Variants in PSMB3 observed in about 807,000 individuals in gnomAD.
PSMB3 encodes proteasome subunit beta type-3.
In PSMB3, 5 loss-of-function variants were observed where a neutral mutation model predicts 23.3. The observed-to-expected ratio is 0.21, with a 90% CI of 0.11 to 0.45. PSMB3 has a LOEUF of 0.45. Among genes scored for constraint, PSMB3 ranks in the 20% least tolerant of loss-of-function variants. PSMB3 has a pLI of 0.99. For missense variants in PSMB3, 192 were observed against 277.9 expected, an observed-to-expected ratio of 0.69 and a Z score of 2.20; for synonymous variants, 85 against 99.8, an observed-to-expected ratio of 0.85 and a Z score of 0.88.
At chr17:38,762,820 A>T (rs1908499997) in intron 5 of PSMB3, among the ~76,000 whole-genome samples, 1 of 152,108 alleles carries the variant, frequency 6.6e-6, no homozygotes, top group Non-Finnish European at 1.5e-5. Flanking sequence ...CTGCAGATGG[A>T]TTGAAATTCT....
At position 38,755,678 on chromosome 17, in the gene PSMB3, A is replaced by ATGTGTG. The variant is rs1207952481; in HGVS notation, c.189-204_189-203insGTGTGT. Among the ~76,000 whole-genome samples the ATGTGTG allele has an allele frequency of 5.9e-3, 635 of 107,052 alleles. 9 individuals are homozygous for ATGTGTG. Among genetic ancestry groups the ATGTGTG allele is most frequent in the Admixed American group, 0.03 (271 of 8,940 alleles). The allele number at this position is 107,052 out of a possible 152,430, so 70.2% of individuals were successfully genotyped here. On this transcript the variant is annotated intron_variant, in intron 2 of 5. Coordinates refer to ENST00000619426, the MANE Select transcript of PSMB3 (RefSeq NM_002795.4). ...AAAAAAAATATATATATATATATAT[A>ATGTGTG]TATATGTGTGTGTGTGTGTGTGTGT...
chr17:38,755,662 ATATAT>A (rs1567643313), intron 2 of PSMB3, among the ~76,000 whole-genome samples: 41 of 74,106 alleles, frequency 5.5e-4, no homozygotes, highest in Admixed American at 1.1e-3. Flanking sequence ...AAAAAAAAAT[ATATAT>A]ATATATATAT....
At position 38,755,875 on chromosome 17, in the gene PSMB3, T is replaced by C. The variant is rs1250661176; in HGVS notation, c.189-8T>C. 1 of 1,612,684 alleles carries C rather than the reference T, an allele frequency of 6.2e-7. No homozygotes were observed. Among genetic ancestry groups the C allele is most frequent in the Admixed American group, 1.7e-5 (1 of 59,996 alleles). ...ATGACTTACTAACTCACTTTTCTCCTACCTCAGTGCCCAGCGCCTCAAGTT... is the reference window on the plus strand; with the variant it reads ...ATGACTTACTAACTCACTTTTCTCCCACCTCAGTGCCCAGCGCCTCAAGTT... On this transcript the variant is annotated splice_polypyrimidine_tract_variant and splice_region_variant and intron_variant, in intron 2 of 5. Transcript: ENST00000619426.
intron 2 of PSMB3, among the ~76,000 whole-genome samples, chr17:38,753,931 T>C (rs927309339): frequency 1.3e-5 from 2 of 152,158 alleles, no homozygotes; most frequent in South Asian, 2.1e-4. Context: ...AGACAAAGTC[T>C]GTAGGGAGGG....
chr17:38,755,168 G>A (rs1171819247), intron 2 of PSMB3: 1 of 152,056 alleles, frequency 6.6e-6, no homozygotes, highest in Non-Finnish European at 1.5e-5. Context: ...AAGAGGCAAG[G>A]TTTCGCTATG....
At chr17:38,759,591 C>T (rs1908349374) in intron 3 of PSMB3, among the ~76,000 whole-genome samples, 2 of 151,252 alleles carry the variant, frequency 1.3e-5, no homozygotes, top group South Asian at 2.1e-4. Context: ...GTCGCTCAGG[C>T]TGGAGTGCAG....
intron 3 of PSMB3, among the ~76,000 whole-genome samples, chr17:38,757,533 T>C (rs1249374405): frequency 6.8e-6 from 1 of 146,842 alleles, no homozygotes. Flanking sequence ...AAATAAAAAA[T>C]AGGTCGGGCG....
intron 2 of PSMB3, among the ~76,000 whole-genome samples, chr17:38,755,660 A>ATG (rs1908144557): frequency 9.8e-6 from 1 of 101,858 alleles, no homozygotes; most frequent in African/African-American, 4.4e-5. Flanking sequence ...AAAAAAAAAA[A>ATG]TATATATATA....
chr17:38,757,037 T>TA (rs1908231125), intron 3 of PSMB3, among the ~76,000 whole-genome samples: 1 of 102,598 alleles, frequency 9.7e-6, no homozygotes, highest in African/African-American at 4.7e-5. Flanking sequence ...CTGGCTAATT[T>TA]TTTTTTTTTT....
chr17:38,756,789 G>C (rs148266550), intron 3 of PSMB3, among the ~76,000 whole-genome samples: 1 of 151,660 alleles, frequency 6.6e-6, no homozygotes, highest in East Asian at 1.9e-4. Context: ...CACCATGCCT[G>C]GCCTGATCTC....
intron 2 of PSMB3, among the ~76,000 whole-genome samples, chr17:38,753,832 A>G (rs1187613475): frequency 6.6e-6 from 1 of 152,194 alleles, no homozygotes; most frequent in East Asian, 1.9e-4. Context: ...CAATAGAAAC[A>G]TCTTGCAAGC....
rs371564002 is a variant in PSMB3 at position 38,755,898 on chromosome 17, G to A, written c.204G>A (p.Lys68=). ...CCTACCTCAGTGCCCAGCGCCTCAA[G>A]TTCCGGCTGAACCTGTATGAGTTGA... is the stretch of plus-strand genomic sequence containing the variant. The part of the protein sequence containing the change: ...TDVQTVAQRL[K]FRLNLYELKE... Residue 68 remains lysine (K), a synonymous_variant, in exon 3 of 6, where the codon AAG becomes AAA. Transcript: ENST00000619426. The A allele has an allele frequency of 6.2e-7, 1 of 1,613,932 alleles. No homozygotes were observed. Among genetic ancestry groups the A allele is most frequent in the Admixed American group, 1.7e-5 (1 of 59,970 alleles).
chr17:38,754,908 C>T (rs1001931312), intron 2 of PSMB3, among the ~76,000 whole-genome samples: 1 of 152,142 alleles, frequency 6.6e-6, no homozygotes, highest in African/African-American at 2.4e-5. Flanking sequence ...CAAGCTGTGA[C>T]CTTTTTTCCT....
At position 38,752,808 on chromosome 17, in the gene PSMB3, A is replaced by G. The variant is rs228274; in HGVS notation, c.-19A>G. 1,344,658 of 1,613,382 alleles carry G rather than the reference A, an allele frequency of 0.83. 562,052 individuals carry two copies. The highest frequency in any genetic ancestry group is 0.9 in the East Asian group (40,486 of 44,876). On this transcript the variant is annotated 5_prime_UTR_variant, in exon 1 of 6. Coordinates refer to ENST00000619426, the MANE Select transcript of PSMB3 (RefSeq NM_002795.4). This position sits in a 1 kb window ranked among gnomAD's most constrained non-coding sequence, Gnocchi z 5.5. The stretch of plus-strand genomic sequence containing the variant: ...CTGGAATTGCTCTGGCGATCGAGGG[A>G]TCCTAGTACACCGCAATCATGGTGA...
In PSMB3 at chr17:38,760,587, G is replaced by A; in HGVS notation, c.453G>A (p.Glu151=). Reference sequence around the variant, plus strand: ...CCGAACAAATGTACGGAATGTGTGAGTCCCTCTGGGAGCCCAACATGGTAC... The same window carrying A: ...CCGAACAAATGTACGGAATGTGTGAATCCCTCTGGGAGCCCAACATGGTAC... The part of the protein sequence containing the change: ...TCAEQMYGMC[E]SLWEPNMDPD... The change falls in exon 4 of 6, where the codon GAG becomes GAA. Residue 151 remains glutamate, a synonymous_variant. Transcript: ENST00000619426. The A allele has an allele frequency of 6.2e-7, 1 of 1,614,254 alleles. No individual in the cohort carries two copies. Among genetic ancestry groups the A allele is most frequent in the Non-Finnish European group, 8.5e-7 (1 of 1,180,046 alleles).
Position 38,752,759 on chromosome 17 carries a change from G to T in PSMB3, c.-68G>T. The T allele has an allele frequency of 6.3e-7, 1 of 1,594,280 alleles. No homozygotes were observed. The highest frequency in any genetic ancestry group is 8.6e-7 in the Non-Finnish European group (1 of 1,161,970). ...AAGAGACAGCAGTGAGAGCGGTTGCGCAGTGAAGGCTAGACCCGGTTTACT... is the reference window on the plus strand; with the variant it reads ...AAGAGACAGCAGTGAGAGCGGTTGCTCAGTGAAGGCTAGACCCGGTTTACT... On this transcript the variant is annotated 5_prime_UTR_variant, in exon 1 of 6. Transcript: ENST00000619426. The surrounding 1 kb of genome is among the most constrained non-coding windows in gnomAD (Gnocchi z 5.5).
At position 38,752,799 on chromosome 17, in the gene PSMB3, GA is replaced by G. The variant is rs751752812; in HGVS notation, c.-27del. The stretch of plus-strand genomic sequence containing the variant: ...CCCGGTTTACTGGAATTGCTCTGGC[GA>G]TCGAGGGATCCTAGTACACCGCAAT... On this transcript the variant is annotated 5_prime_UTR_variant, in exon 1 of 6. Transcript: ENST00000619426. The surrounding 1 kb of genome is among the most constrained non-coding windows in gnomAD (Gnocchi z 5.5). 1 of 1,614,010 alleles carries G rather than the reference GA, an allele frequency of 6.2e-7. No homozygotes were observed. The highest frequency in any genetic ancestry group is 1.3e-5 in the African/African-American group (1 of 74,928).
chr17:38,763,643 C>T (rs1181533848), intron 5 of PSMB3, among the ~76,000 whole-genome samples: 4 of 151,484 alleles, frequency 2.6e-5, no homozygotes, highest in African/African-American at 7.3e-5. Flanking sequence ...GCTGGGATTA[C>T]AGGCACGTGC....
At chr17:38,755,715 T>TGTGTGTGTGCGC (rs142685157) in intron 2 of PSMB3, among the ~76,000 whole-genome samples, 168 bp from the exon 3 acceptor site, 3 of 138,436 alleles carry the variant, frequency 2.2e-5, no homozygotes, top group Non-Finnish European at 4.6e-5. Flanking sequence ...TGTGTGTGTG[T>TGTGTGTGTGCGC]GCTGCCAAAG....
Sources: gnomAD v4.1 joint callset for allele counts (sites outside exome capture counted in the v4.1 genomes callset) on GRCh38, gnomAD v4.1.1 for gene constraint, Gnocchi (gnomAD v3.1) non-coding constraint, MANE v1.5 for transcripts, NCBI Gene and HGNC (gene_info 2026-07-23, HGNC 2026-07-21) for gene names.